Variants in DTWD2 observed in about 807,000 individuals in gnomAD.
DTWD2 encodes the protein DTW motif tRNA-uridine aminocarboxypropyltransferase 2.
DTWD2 carries 39 observed loss-of-function variants against 31.8 expected under a neutral mutation model. The ratio of observed to expected loss-of-function variants is 1.22; its 90% CI spans 0.95 to 1.60. The LOEUF is 1.60. Ranked by LOEUF, DTWD2 falls within the 40% of genes most tolerant of loss-of-function variation. The pLI is 0.00. For synonymous variants in DTWD2, 180 were observed against 142.8 expected (o/e 1.26, Z -1.86); for missense variants, 515 against 381.5 (o/e 1.35, Z -2.92).
At chr5:118,903,396 T>G (rs1262434629) in intron 4 of DTWD2, among the ~76,000 whole-genome samples, 1 of 152,042 alleles carries the variant, frequency 6.6e-6, no homozygotes, top group Non-Finnish European at 1.5e-5. Context: ...AAGTAATAAA[T>G]AACCTTCTTC....
At chr5:118,968,811 G>C (rs1156375941) in intron 1 of DTWD2, among the ~76,000 whole-genome samples, 1 of 152,218 alleles carries the variant, frequency 6.6e-6, no homozygotes, top group Non-Finnish European at 1.5e-5. Context: ...CTGAATCCAG[G>C]GGGCCAAGCA....
chr5:118,878,922 T>C (rs1005327154), intron 4 of DTWD2, among the ~76,000 whole-genome samples: 1 of 151,972 alleles, frequency 6.6e-6, no homozygotes, highest in Admixed American at 6.6e-5. Context: ...GAAATGCAAA[T>C]CAAAAGCACA....
At position 118,839,162 on chromosome 5, in the gene DTWD2, A is replaced by AAATAATAAT. The variant is rs151267435; in HGVS notation, c.*1746_*1754dup. ...GGGCGACAGAGCGAGATTCCATCTC[A>AAATAATAAT]AATAATAATAATAATAATAATAATG... is the stretch of plus-strand genomic sequence containing the variant. On this transcript the variant is annotated 3_prime_UTR_variant, in exon 6 of 6. Transcript: ENST00000510708. 2.0e-5 allele frequency: 3 copies of AAATAATAAT among 150,724 alleles called. No homozygotes were observed. The highest frequency in any genetic ancestry group is 7.4e-5 in the African/African-American group (3 of 40,770). The allele number at this position is 150,724 out of a possible 1,614,324, so 9.3% of individuals were successfully genotyped here.
At chr5:118,845,438 G>C (rs533850174) in intron 5 of DTWD2, among the ~76,000 whole-genome samples, 1 of 152,294 alleles carries the variant, frequency 6.6e-6, no homozygotes, top group Non-Finnish European at 1.5e-5. Flanking sequence ...TGGATGTGGG[G>C]TTCCCCCACT....
chr5:118,868,565 A>T (rs1752431978), intron 4 of DTWD2, among the ~76,000 whole-genome samples: 1 of 152,124 alleles, frequency 6.6e-6, no homozygotes, highest in African/African-American at 2.4e-5. Flanking sequence ...ACTCAACAAC[A>T]AACAAATAAT....
chr5:118,934,485 T>C (rs1753994522), intron 3 of DTWD2, among the ~76,000 whole-genome samples: 1 of 151,938 alleles, frequency 6.6e-6, no homozygotes, highest in Non-Finnish European at 1.5e-5. Flanking sequence ...TTATGTTATA[T>C]ATTTAATGTA....
chr5:118,931,885 C>T (rs1427144944), intron 3 of DTWD2, among the ~76,000 whole-genome samples: 3 of 152,180 alleles, frequency 2.0e-5, no homozygotes, highest in Non-Finnish European at 4.4e-5. Flanking sequence ...ACAAAGTATG[C>T]TCTCAGACTA....
Position 118,836,270 on chromosome 5 carries a change from T to C in DTWD2, c.*4647A>G, listed in dbSNP as rs1451103532. Reference sequence around the variant, plus strand: ...TTATTTATTTATTTGAGACACTGTCTCACTCTGTCGCCCAGGCTAGAGTGC... The same window carrying C: ...TTATTTATTTATTTGAGACACTGTCCCACTCTGTCGCCCAGGCTAGAGTGC... On this transcript the variant is annotated 3_prime_UTR_variant, in exon 6 of 6. Transcript: ENST00000510708. 6.6e-6 allele frequency among the ~76,000 whole-genome samples: 1 copy of C among 152,196 alleles called. No homozygotes were observed. Among genetic ancestry groups the C allele is most frequent in the Non-Finnish European group, 1.5e-5 (1 of 68,034 alleles).
intron 1 of DTWD2, among the ~76,000 whole-genome samples, chr5:118,983,875 C>T (rs1036967217): frequency 2.6e-5 from 4 of 152,186 alleles, no homozygotes; most frequent in Non-Finnish European, 2.9e-5. Flanking sequence ...AGTAGCTGGG[C>T]GCGGTGGCTC....
intron 4 of DTWD2, among the ~76,000 whole-genome samples, chr5:118,893,701 G>A (rs1384465296): frequency 3.3e-5 from 5 of 151,940 alleles, no homozygotes; most frequent in Non-Finnish European, 7.4e-5. Flanking sequence ...AGAAAGAGGA[G>A]ACTGAAAAAG....
At chr5:118,926,986 G>T (rs1048171667) in intron 4 of DTWD2, among the ~76,000 whole-genome samples, 2 of 152,196 alleles carry the variant, frequency 1.3e-5, no homozygotes, top group Admixed American at 6.5e-5. Context: ...CACCTGCATG[G>T]TCACGGTCCT....
intron 3 of DTWD2, among the ~76,000 whole-genome samples, chr5:118,934,529 G>A (rs1753995707): frequency 6.6e-6 from 1 of 151,840 alleles, no homozygotes; most frequent in African/African-American, 2.4e-5. Flanking sequence ...CAGTGATAAA[G>A]TAAGAATACA....
At chr5:118,988,178 A>C (rs1278616381) in intron 1 of DTWD2, 116 bp downstream of exon 1, 3 of 1,314,984 alleles carry the variant, frequency 2.3e-6, no homozygotes, top group Non-Finnish European at 3.2e-6. Context: ...GCACCCGCCA[A>C]CTCCGCCGCC....
intron 5 of DTWD2, among the ~76,000 whole-genome samples, 164 bp downstream of exon 5, chr5:118,847,923 ACAG>A (rs386691643): frequency 6.6e-6 from 1 of 152,072 alleles, no homozygotes; most frequent in African/African-American, 2.4e-5. Flanking sequence ...AAACACACAC[ACAG>A]AAAAACACCA....
chr5:118,919,927 G>T (rs1050201770), intron 4 of DTWD2, among the ~76,000 whole-genome samples: 3 of 151,972 alleles, frequency 2.0e-5, no homozygotes, highest in Non-Finnish European at 4.4e-5. Context: ...TGGATTGTTT[G>T]AAACAGTAGT....
intron 1 of DTWD2, among the ~76,000 whole-genome samples, chr5:118,961,955 T>C (rs1330676013): frequency 6.6e-6 from 1 of 152,158 alleles, no homozygotes; most frequent in Non-Finnish European, 1.5e-5. Context: ...AAAAATTTTC[T>C]TTGCTGCCAG....
Position 118,852,210 on chromosome 5 carries a change from T to G in DTWD2, c.598-3992A>C, listed in dbSNP as rs560408418. On this transcript the variant is annotated intron_variant, in intron 4 of 5. Transcript: ENST00000510708. ...CTTATGGTTGTCTTCTGTTGTTCCC[T>G]AAAATCACTGTTATTCTGTTTATTT... Among the ~76,000 whole-genome samples the G allele has an allele frequency of 2.0e-5, 3 of 152,328 alleles. No homozygotes were observed. In the South Asian group the frequency reaches 6.2e-4, roughly 32 times the overall value.
chr5:118,922,094 T>C (rs984053775), intron 4 of DTWD2, among the ~76,000 whole-genome samples: 3 of 152,224 alleles, frequency 2.0e-5, no homozygotes, highest in Non-Finnish European at 4.4e-5. Context: ...CATTTCCATA[T>C]TCACCTTGGA....
chr5:118,966,243 A>G (rs1178311279), intron 1 of DTWD2, among the ~76,000 whole-genome samples: 2 of 152,246 alleles, frequency 1.3e-5, no homozygotes, highest in African/African-American at 4.8e-5. Context: ...GCAAATTTAC[A>G]AAAGTAAACC....
Sources: gnomAD v4.1 joint callset for allele counts (sites outside exome capture counted in the v4.1 genomes callset) on GRCh38, gnomAD v4.1.1 for gene constraint, MANE v1.5 for transcripts, NCBI Gene and HGNC (gene_info 2026-07-23, HGNC 2026-07-21) for gene names.